Variants in SH3BGRL observed in about 807,000 individuals in gnomAD.
The protein encoded by SH3BGRL is SH3 domain binding glutamate rich protein like.
A neutral mutation model predicts 9.8 loss-of-function variants in SH3BGRL; 7 were observed. That is an observed-to-expected ratio of 0.72 (90% CI 0.41 to 1.35). The LOEUF (loss-of-function observed/expected upper bound fraction) is 1.35, where lower values mean the gene tolerates loss of function less well. Ranked by LOEUF, SH3BGRL falls within the 40% of genes most tolerant of loss-of-function variation. The pLI is 0.01. For missense variants in SH3BGRL, 73 were observed against 84.4 expected, an observed-to-expected ratio of 0.86 and a Z score of 0.53; for synonymous variants, 36 against 29.1, an observed-to-expected ratio of 1.24 and a Z score of -0.76.
intron 1 of SH3BGRL, among the ~76,000 whole-genome samples, chrX:81,213,658 G>A (rs2075572611): frequency 9.0e-6 from 1 of 111,175 alleles, no homozygotes; most frequent in African/African-American, 3.3e-5. Context: ...AAAATACTTT[G>A]TAGAACTCTA....
chrX:81,283,054 AAC>A (rs2075822937), intron 3 of SH3BGRL, among the ~76,000 whole-genome samples: 1 of 112,084 alleles, frequency 8.9e-6, no homozygotes, highest in East Asian at 2.8e-4. Context: ...TATGCGCATA[AAC>A]TAGAAAACCT....
chrX:81,251,838 A>G (rs183785737), intron 1 of SH3BGRL, among the ~76,000 whole-genome samples: 231 of 112,392 alleles, frequency 2.1e-3, no homozygotes, highest in African/African-American at 7.0e-3. Context: ...TCATAGAAAC[A>G]TGAACTGAAG....
chrX:81,236,745 G>A (rs183078796), intron 1 of SH3BGRL, among the ~76,000 whole-genome samples: 4 of 111,882 alleles, frequency 3.6e-5, no homozygotes, highest in East Asian at 5.6e-4. Context: ...TAAAAAAGTG[G>A]CAGTGTTTGG....
chrX:81,219,676 A>T (rs906028186), intron 1 of SH3BGRL, among the ~76,000 whole-genome samples: 1 of 111,536 alleles, frequency 9.0e-6, no homozygotes, highest in African/African-American at 3.2e-5. Context: ...CAGTGGTAAA[A>T]GTGGACATCT....
intron 3 of SH3BGRL, among the ~76,000 whole-genome samples, chrX:81,291,718 A>T (rs1260943720): frequency 8.9e-6 from 1 of 112,389 alleles, no homozygotes; most frequent in Non-Finnish European, 1.9e-5. Context: ...TGTAAAATAA[A>T]AAGAAGTTAG....
chrX:81,233,695 A>G (rs1251151471), intron 1 of SH3BGRL, among the ~76,000 whole-genome samples: 2 of 110,780 alleles, frequency 1.8e-5, no homozygotes, highest in African/African-American at 6.6e-5. Flanking sequence ...TATGTAGTCT[A>G]TGAAGTAGGT....
chrX:81,205,248 G>A (rs1054984242), intron 1 of SH3BGRL, among the ~76,000 whole-genome samples: 3 of 110,167 alleles, frequency 2.7e-5, no homozygotes, highest in Non-Finnish European at 3.8e-5. Context: ...CTCAGCCTCT[G>A]GTAACCACCA....
chrX:81,290,685 ATAAAT>A (rs1197256492), intron 3 of SH3BGRL, among the ~76,000 whole-genome samples: 2 of 111,136 alleles, frequency 1.8e-5, no homozygotes, highest in Admixed American at 9.6e-5. Flanking sequence ...ACGGTCAAAA[ATAAAT>A]TAATTGTATA....
chrX:81,223,109 T>G (rs1252372841), intron 1 of SH3BGRL, among the ~76,000 whole-genome samples: 1 of 111,641 alleles, frequency 9.0e-6, no homozygotes, highest in Non-Finnish European at 1.9e-5. Context: ...AAAAATTTTC[T>G]CCCATTCTGT....
chrX:81,280,180 C>T (rs753165993), intron 3 of SH3BGRL, among the ~76,000 whole-genome samples: 1 of 110,315 alleles, frequency 9.1e-6, no homozygotes, highest in South Asian at 4.0e-4. Flanking sequence ...AAGACCCACC[C>T]GAGGAGAGTC....
intron 1 of SH3BGRL, among the ~76,000 whole-genome samples, chrX:81,272,095 G>A (rs1163564487): frequency 9.2e-6 from 1 of 108,202 alleles, no homozygotes; most frequent in Non-Finnish European, 1.9e-5. Context: ...TACTCAGGAG[G>A]CTGAGGTGGG....
intron 1 of SH3BGRL, among the ~76,000 whole-genome samples, chrX:81,249,827 TTTAATC>T (rs953619424): frequency 5.4e-5 from 6 of 111,305 alleles, no homozygotes; most frequent in African/African-American, 2.0e-4. Flanking sequence ...GAATGGAAAT[TTTAATC>T]TTAAAAACTA....
intron 1 of SH3BGRL, among the ~76,000 whole-genome samples, chrX:81,268,563 T>G (rs1349619301): frequency 8.9e-6 from 1 of 112,061 alleles, no homozygotes; most frequent in African/African-American, 3.2e-5. Context: ...CTAATTTGAC[T>G]GCACTGTGGT....
At chrX:81,235,759 T>C (rs959963228) in intron 1 of SH3BGRL, among the ~76,000 whole-genome samples, 19 of 111,483 alleles carry the variant, frequency 1.7e-4, no homozygotes, top group Admixed American at 6.7e-4. Flanking sequence ...CCAACTCTGC[T>C]TTTACCACTC....
intron 1 of SH3BGRL, among the ~76,000 whole-genome samples, chrX:81,267,182 A>G (rs190324183): frequency 1.0e-3 from 116 of 111,656 alleles, no homozygotes; most frequent in Non-Finnish European, 1.8e-3. Context: ...TCTTTTCCTA[A>G]TTGAATACCC....
rs1177904696 is a variant in SH3BGRL at position 81,250,024 on chromosome X, C to CT, written c.46-26948dup. 1.8e-3 allele frequency among the ~76,000 whole-genome samples: 178 copies of CT among 101,657 alleles called. 1 individual carries two copies. The highest frequency in any genetic ancestry group is 4.5e-3 in the East Asian group (15 of 3,308). 88.3% of individuals were successfully genotyped at this position (101,657 alleles called of 115,157 possible). On this transcript the variant is annotated intron_variant, in intron 1 of 3. Transcript: ENST00000373212. ...ATTTTTAATATAATGAAGGTTTTAA[C>CT]TTTTTTTTTTTTAATGCAGTATACT...
In SH3BGRL at chrX:81,226,508, CTA is replaced by C. The variant is rs1053342075; in HGVS notation, c.45+24275_45+24276del. ...GATATATTTATATATATATATATATCTATATATATATATCTATATCTCTCTCT... is the reference window on the plus strand; with the variant it reads ...GATATATTTATATATATATATATATCTATATATATATCTATATCTCTCTCT... On this transcript the variant is annotated intron_variant, in intron 1 of 3. Coordinates refer to ENST00000373212, the MANE Select transcript of SH3BGRL (RefSeq NM_003022.3). Among the ~76,000 whole-genome samples, 8 of 96,363 alleles carry C rather than the reference CTA, an allele frequency of 8.3e-5. No individual in the cohort carries two copies. The East Asian group carries it at 1.6e-3, about 19-fold the overall frequency. 83.7% of individuals were successfully genotyped at this position (96,363 alleles called of 115,157 possible). A position where few individuals can be genotyped will look rare whatever the true frequency, so the allele number is the denominator to read the frequency against.
intron 1 of SH3BGRL, among the ~76,000 whole-genome samples, chrX:81,276,242 A>G (rs771632296): frequency 9.1e-6 from 1 of 109,942 alleles, no homozygotes; most frequent in South Asian, 4.2e-4. Flanking sequence ...ATAAGGAGAC[A>G]GAATACATGT....
intron 1 of SH3BGRL, among the ~76,000 whole-genome samples, chrX:81,234,608 T>C (rs1436815866): frequency 2.7e-5 from 3 of 112,331 alleles, no homozygotes; most frequent in South Asian, 3.7e-4. Flanking sequence ...AGATAACTTA[T>C]GGAAATTTTA....
Sources: gnomAD v4.1 joint callset for allele counts (sites outside exome capture counted in the v4.1 genomes callset) on GRCh38, gnomAD v4.1.1 for gene constraint, MANE v1.5 for transcripts, NCBI Gene and HGNC (gene_info 2026-07-23, HGNC 2026-07-21) for gene names.